Variants in CEP164 observed in about 807,000 individuals in gnomAD.
CEP164 encodes the protein centrosomal protein of 164 kDa.
CEP164 carries 162 observed loss-of-function variants against 182.7 expected under a neutral mutation model. The observed-to-expected ratio is 0.89, with a 90% CI of 0.78 to 1.01. The LOEUF is 1.01. CEP164 is among the 50% of genes least tolerant of loss of function. The pLI is 0.00. For missense variants in CEP164, 1,735 were observed against 1,790.4 expected (o/e 0.97, Z 0.56); for synonymous variants, 661 against 690.0 (o/e 0.96, Z 0.66).
At chr11:117,331,707 C>T (rs1205351854) in intron 1 of CEP164, among the ~76,000 whole-genome samples, 1 of 151,108 alleles carries the variant, frequency 6.6e-6, no homozygotes, top group African/African-American at 2.4e-5. Context: ...GAAGGTGGAC[C>T]AAAACTACTG....
rs1216042393 is a variant in CEP164, at chr11:117,351,970, C to G, written c.375C>G (p.Asp125Glu). Residue 125 changes from aspartate to glutamate, a missense_variant, in exon 5 of 33, where the codon GAC (aspartate) becomes GAG (glutamate). Transcript: ENST00000278935. ...AAAAGAAAGACAAGAAGGACAGAGA[C>G]CCCCCCAAAAGTTCGCTGGTGAGTC... is the stretch of plus-strand genomic sequence containing the variant. ...KKEKKDKKDR[D>E]PPKSSLALGS... 1.3e-6 allele frequency: 2 copies of G among 1,588,496 alleles called. No individual in the cohort carries two copies. Among genetic ancestry groups the G allele is most frequent in the Non-Finnish European group, 1.7e-6 (2 of 1,166,890 alleles).
chr11:117,354,215 A>G (rs544665128), intron 5 of CEP164, among the ~76,000 whole-genome samples: 1 of 151,952 alleles, frequency 6.6e-6, no homozygotes, highest in Admixed American at 6.6e-5. Context: ...ATGGGGTTTC[A>G]CCATGATGGC....
rs1057423476 is a variant in CEP164 at position 117,393,111 on chromosome 11, G to A, written c.2601G>A (p.Glu867=). 2 of 1,612,944 alleles carry A rather than the reference G, an allele frequency of 1.2e-6. No individual in the cohort carries two copies. The highest frequency in any genetic ancestry group is 2.2e-5 in the East Asian group (1 of 44,868). ...AGCAAGTGATGGCTAAGGCCAGAGA[G>A]CAGTATGAAGCTGAGGTAGCTCAGC... The part of the protein sequence containing the change: ...EHQQVMAKAR[E]QYEAEERKQR... The change falls in exon 20 of 33, where the codon GAG becomes GAA. Residue 867 remains glutamate (E), a synonymous_variant. Coordinates refer to ENST00000278935, the MANE Select transcript of CEP164 (RefSeq NM_014956.5).
In CEP164 at chr11:117,381,149, G is replaced by A. The variant is rs181527619; in HGVS notation, c.1409+444G>A. On this transcript the variant is annotated intron_variant, in intron 12 of 32. Transcript: ENST00000278935. ...GCCAGGGCCCTGCCACATCAGAAAT[G>A]GCTGTAGCTATCTGTGAGAGTGCAA... is the stretch of plus-strand genomic sequence containing the variant. 2.8e-4 allele frequency among the ~76,000 whole-genome samples: 43 copies of A among 152,298 alleles called. 1 individual carries two copies. Among genetic ancestry groups the A allele is most frequent in the Admixed American group, 1.8e-3 (27 of 15,298 alleles).
At chr11:117,382,746 T>C (rs367702865) in intron 13 of CEP164, 50 bp from the exon 14 acceptor site, 1 of 1,598,096 alleles carries the variant, frequency 6.3e-7, no homozygotes, top group East Asian at 2.2e-5. Flanking sequence ...ATCTTAAGCC[T>C]CTTGCTTTCT....
intron 3 of CEP164, among the ~76,000 whole-genome samples, chr11:117,339,522 G>GTTTTT (rs61258101): frequency 5.8e-3 from 325 of 56,022 alleles, no homozygotes; most frequent in Non-Finnish European, 7.6e-3. Context: ...TTTGTTTTTT[G>GTTTTT]TTTTTTTTTT....
At chr11:117,383,912 TA>T (rs1251139834) in intron 14 of CEP164, among the ~76,000 whole-genome samples, 2 of 152,180 alleles carry the variant, frequency 1.3e-5, no homozygotes, top group East Asian at 1.9e-4. Flanking sequence ...GGCAGGTGCC[TA>T]TAATCCCAGC....
intron 3 of CEP164, among the ~76,000 whole-genome samples, chr11:117,341,678 T>G (rs1462442386): frequency 6.6e-6 from 1 of 152,038 alleles, no homozygotes; most frequent in Non-Finnish European, 1.5e-5. Flanking sequence ...ACTCCTGGGC[T>G]CAAGCAATCC....
chr11:117,350,197 C>T (rs2135409385), intron 4 of CEP164, among the ~76,000 whole-genome samples: 1 of 148,976 alleles, frequency 6.7e-6, no homozygotes, highest in East Asian at 2.0e-4. Flanking sequence ...GTGTGAGCCA[C>T]CGCACCCAGC....
chr11:117,382,821 G>A lies in CEP164; in HGVS notation c.1603G>A (p.Ala535Thr), dbSNP rs2043491135. The change falls in exon 14 of 33, where the codon GCC (alanine) becomes ACC (threonine). Residue 535 changes from alanine to threonine, a missense_variant. Ala to Thr is a moderately conservative substitution (Grantham distance 58). Coordinates refer to ENST00000278935, the MANE Select transcript of CEP164 (RefSeq NM_014956.5). Reference protein sequence around the residue: ...QREQAPSPPAACEKGKEQHSQ... With the variant: ...QREQAPSPPATCEKGKEQHSQ... ...GGAGCAGGCCCCAAGCCCACCTGCT[G>A]CCTGTGAGAAGGGCAAGGAGCAGCA... 3.1e-6 allele frequency: 5 copies of A among 1,613,996 alleles called. No individual in the cohort carries two copies. The highest frequency in any genetic ancestry group is 1.3e-5 in the African/African-American group (1 of 74,926).
Position 117,409,702 on chromosome 11 carries a change from T to A in CEP164, c.3833T>A (p.Val1278Asp). 6.2e-7 allele frequency: 1 copy of A among 1,614,128 alleles called. No individual in the cohort carries two copies. The highest frequency in any genetic ancestry group is 8.5e-7 in the Non-Finnish European group (1 of 1,180,000). ...LRQISSQLSS[V>D]LSILDSLNPQ... is the part of the protein sequence containing the mutation. ...CAGATCAGCAGCCAGCTGAGCAGTGTCCTCAGCATCCTGGACAGCCTCAAC... is the reference window on the plus strand; with the variant it reads ...CAGATCAGCAGCCAGCTGAGCAGTGACCTCAGCATCCTGGACAGCCTCAAC... The change falls in exon 30 of 33, where the codon GTC (valine) becomes GAC (aspartate). Residue 1278 changes from valine to aspartate, a missense_variant. Transcript: ENST00000278935. The surrounding 1 kb of genome is among the most constrained non-coding windows in gnomAD (Gnocchi z 4.4).
Position 117,375,830 on chromosome 11 carries a change from T to G in CEP164, c.1317+39T>G, listed in dbSNP as rs368342309. On this transcript the variant is annotated intron_variant, in intron 11 of 32. Coordinates refer to ENST00000278935, the MANE Select transcript of CEP164 (RefSeq NM_014956.5). Reference sequence around the variant, plus strand: ...GGTGGTGGGCTGAGCTGGGGCCTCATTTTCCCTCACAACTTTTTCGGATGA... The same window carrying G: ...GGTGGTGGGCTGAGCTGGGGCCTCAGTTTCCCTCACAACTTTTTCGGATGA... 1.9e-6 allele frequency: 3 copies of G among 1,589,622 alleles called. No homozygotes were observed. The African/African-American group carries it at 4.0e-5, about 21-fold the overall frequency.
chr11:117,378,867 G>C (rs2043019717), intron 11 of CEP164, among the ~76,000 whole-genome samples: 1 of 152,238 alleles, frequency 6.6e-6, no homozygotes, highest in South Asian at 2.1e-4. Context: ...CAGCCCTCCT[G>C]TCTGCTGCCT....
At chr11:117,396,643 T>C in intron 26 of CEP164, 32 bp downstream of exon 26, 2 of 1,561,860 alleles carry the variant, frequency 1.3e-6, no homozygotes, top group Non-Finnish European at 1.8e-6. Context: ...TATTTGAGGT[T>C]AGGGTACCAT....
chr11:117,327,459 CTTTTTTT>C (rs760601571), upstream of CEP164, among the ~76,000 whole-genome samples: 103 of 122,614 alleles, frequency 8.4e-4, no homozygotes, highest in African/African-American at 3.0e-3. Flanking sequence ...TCGGGGTCCT[CTTTTTTT>C]TTTTTTTTTT....
At position 117,362,435 on chromosome 11, in the gene CEP164, C is replaced by CA; in HGVS notation, c.587dup (p.Leu198SerfsTer7). The CA allele has an allele frequency of 1.9e-6, 3 of 1,613,664 alleles. No homozygotes were observed. The highest frequency in any genetic ancestry group is 2.5e-6 in the Non-Finnish European group (3 of 1,179,862). On this transcript the variant is annotated frameshift_variant, in exon 7 of 33. Coordinates refer to ENST00000278935, the MANE Select transcript of CEP164 (RefSeq NM_014956.5). LOFTEE classifies it high-confidence loss of function. The stretch of plus-strand genomic sequence containing the variant: ...CAGGGTCTCAAGACCTCTGCTTATA[C>CA]AAAGGGTCTCTTGGGCTCCATATAT...
Position 117,394,307 on chromosome 11 carries a change from G to A in CEP164, c.2617-43G>A. The stretch of plus-strand genomic sequence containing the variant: ...GGAGCTGTGATTTTTGTGGTAGAAG[G>A]GGCTGCCGCAGCTTCCCACCGGTGG... On this transcript the variant is annotated intron_variant, in intron 20 of 32. Coordinates refer to ENST00000278935, the MANE Select transcript of CEP164 (RefSeq NM_014956.5). This position sits in a 1 kb window ranked among gnomAD's most constrained non-coding sequence, Gnocchi z 4.0. The A allele has an allele frequency of 1.3e-6, 2 of 1,559,080 alleles. No homozygotes were observed. The highest frequency in any genetic ancestry group is 1.7e-6 in the Non-Finnish European group (2 of 1,151,086).
chr11:117,389,705 A>G (rs151154386), intron 15 of CEP164, among the ~76,000 whole-genome samples: 1 of 152,196 alleles, frequency 6.6e-6, no homozygotes, highest in Non-Finnish European at 1.5e-5. Flanking sequence ...GGTTTGCCAG[A>G]TAGAAAAGGG....
At chr11:117,368,270 G>C (rs1388917409) in intron 8 of CEP164, among the ~76,000 whole-genome samples, 1 of 152,170 alleles carries the variant, frequency 6.6e-6, no homozygotes, top group Non-Finnish European at 1.5e-5. Flanking sequence ...GGAGTGTGTC[G>C]GGGTAGTATG....
Sources: allele counts gnomAD v4.1 joint callset (sites outside exome capture counted in the v4.1 genomes callset), GRCh38; gene constraint gnomAD v4.1.1; non-coding constraint Gnocchi (gnomAD v3.1); transcripts MANE v1.5; gene names NCBI Gene and HGNC (gene_info 2026-07-23, HGNC 2026-07-21).